The following CRTAC1 variants were observed in gnomAD, a reference collection of about 807,000 sequenced individuals.
CRTAC1 encodes the protein acidic secreted protein in cartilage.
Under a neutral mutation model 67.8 loss-of-function variants are expected in CRTAC1, and 37 were observed. The observed-to-expected ratio is 0.55, with a 90% CI of 0.42 to 0.72. CRTAC1 has a LOEUF of 0.72. Among genes scored for constraint, CRTAC1 ranks in the 30% least tolerant of loss-of-function variants. The pLI is 0.00. For missense variants in CRTAC1, 780 were observed against 931.6 expected (o/e 0.84, Z 2.12); for synonymous variants, 348 against 371.0 (o/e 0.94, Z 0.71).
rs2050988130 is a variant in CRTAC1 at position 97,930,519 on chromosome 10, G to A, written c.421+5651C>T. Among the ~76,000 whole-genome samples, 3 of 152,188 alleles carry A rather than the reference G, an allele frequency of 2.0e-5. No individual in the cohort carries two copies. The South Asian group carries it at 6.2e-4, about 32-fold the overall frequency. On this transcript the variant is annotated intron_variant, in intron 3 of 14. Coordinates refer to ENST00000370597, the MANE Select transcript of CRTAC1 (RefSeq NM_018058.7). ...TCCTGGAGATTAAATACAGATTCTGGTTTTGGAGGTCTGGTGTGGGGCCTA... is the reference window on the plus strand; with the variant it reads ...TCCTGGAGATTAAATACAGATTCTGATTTTGGAGGTCTGGTGTGGGGCCTA...
rs561739339 is a variant in CRTAC1, at chr10:97,978,690, G to T, written c.224+32448C>A. ...AGGGCTACCTCCTTTTGTCATTCAAGTCTCAGCTCTAATGTCCTCCCTTCA... is the reference window on the plus strand; with the variant it reads ...AGGGCTACCTCCTTTTGTCATTCAATTCTCAGCTCTAATGTCCTCCCTTCA... On this transcript the variant is annotated intron_variant, in intron 2 of 14. Coordinates refer to ENST00000370597, the MANE Select transcript of CRTAC1 (RefSeq NM_018058.7). Among the ~76,000 whole-genome samples, 3 of 152,258 alleles carry T rather than the reference G, an allele frequency of 2.0e-5. No homozygotes were observed. In the South Asian group the frequency reaches 6.2e-4, roughly 32 times the overall value.
At position 97,908,010 on chromosome 10, in the gene CRTAC1, C is replaced by T; in HGVS notation, c.850+3G>A. The T allele has an allele frequency of 1.2e-6, 2 of 1,613,900 alleles. No homozygotes were observed. The highest frequency in any genetic ancestry group is 2.2e-5 in the East Asian group (1 of 44,890). On this transcript the variant is annotated splice_donor_region_variant and intron_variant, in intron 6 of 14. Coordinates refer to ENST00000370597, the MANE Select transcript of CRTAC1 (RefSeq NM_018058.7). The stretch of plus-strand genomic sequence containing the variant: ...TGCACAGGGCATGGCTGCCTCCACT[C>T]ACCAGCACTGGCCGCAGCGTCCACA...
intron 2 of CRTAC1, among the ~76,000 whole-genome samples, chr10:97,995,537 C>A (rs1339158473): frequency 6.6e-6 from 1 of 152,122 alleles, no homozygotes; most frequent in East Asian, 1.9e-4. Flanking sequence ...GTATGCAGAC[C>A]TCTGAAGGAC....
At chr10:97,882,663 C>A in intron 13 of CRTAC1, 123 bp downstream of exon 13, 1 of 988,992 alleles carries the variant, frequency 1.0e-6, no homozygotes, top group Non-Finnish European at 1.6e-6. Flanking sequence ...GGACAAACAA[C>A]ACCCTCCCCT....
intron 14 of CRTAC1, among the ~76,000 whole-genome samples, chr10:97,877,779 A>G (rs1448825054): frequency 6.6e-6 from 1 of 152,218 alleles, no homozygotes; most frequent in Admixed American, 6.5e-5. Flanking sequence ...TGACACAGAT[A>G]TACCCTGTTA....
At chr10:97,938,905 A>G (rs377537334) in intron 2 of CRTAC1, among the ~76,000 whole-genome samples, 23 of 152,154 alleles carry the variant, frequency 1.5e-4, no homozygotes, top group African/African-American at 5.6e-4. Flanking sequence ...TTCAACTAGA[A>G]CATCTCTATG....
intron 4 of CRTAC1, among the ~76,000 whole-genome samples, chr10:97,918,191 C>T (rs886118412): frequency 5.9e-5 from 9 of 152,198 alleles, no homozygotes. Context: ...CACAGATTTG[C>T]AGGGGTCCTA....
intron 2 of CRTAC1, among the ~76,000 whole-genome samples, chr10:97,960,484 C>T (rs1325928630): frequency 2.0e-5 from 3 of 152,312 alleles, no homozygotes; most frequent in Middle Eastern, 3.4e-3. Context: ...TGTACACACA[C>T]GTGTGTATCT....
chr10:97,876,581 T>TCC (rs555272132), intron 14 of CRTAC1, among the ~76,000 whole-genome samples: 601 of 152,252 alleles, frequency 3.9e-3, no homozygotes, highest in Middle Eastern at 6.8e-3. Context: ...CACCAGCTCC[T>TCC]CCATTTGCAT....
intron 14 of CRTAC1, chr10:97,866,799 AGTGT>A (rs996745359): frequency 3.3e-5 from 5 of 151,842 alleles, no homozygotes; most frequent in African/African-American, 1.2e-4. Context: ...CATGTGTATG[AGTGT>A]GTGTGTATGC....
chr10:97,953,174 C>A (rs2051387611), intron 2 of CRTAC1, among the ~76,000 whole-genome samples: 1 of 152,152 alleles, frequency 6.6e-6, no homozygotes, highest in South Asian at 2.1e-4. Context: ...GCAGCTCTGC[C>A]CAAGTTCAGT....
At chr10:97,866,519 A>G (rs1156458962) in intron 14 of CRTAC1, 1 of 152,246 alleles carries the variant, frequency 6.6e-6, no homozygotes, top group African/African-American at 2.4e-5. Context: ...GTGTATGCAC[A>G]TGTGAATGTA....
Position 97,880,301 on chromosome 10 carries a change from G to C in CRTAC1, c.1767C>G (p.Asn589Lys). ...GCTCGTAGCCCCGACTGCACTTCTT[G>C]TTGGTCCGGCACCTGTAGCTTCCAT... ...NTYGSYRCRT[N>K]KKCSRGYEPN... The change falls in exon 14 of 15, where the codon AAC becomes AAG. Residue 589 changes from asparagine to lysine, a missense_variant. Physicochemically the swap from Asn to Lys is moderately conservative, Grantham distance 94. Coordinates refer to ENST00000370597, the MANE Select transcript of CRTAC1 (RefSeq NM_018058.7). The C allele has an allele frequency of 1.2e-6, 2 of 1,614,232 alleles. No individual in the cohort carries two copies. The highest frequency in any genetic ancestry group is 2.2e-5 in the South Asian group (2 of 91,082).
At chr10:97,913,183 T>G (rs1389303662) in intron 5 of CRTAC1, among the ~76,000 whole-genome samples, 1 of 152,044 alleles carries the variant, frequency 6.6e-6, no homozygotes, top group Non-Finnish European at 1.5e-5. Flanking sequence ...GAGGATCAAG[T>G]GCAGGATGGT....
intron 2 of CRTAC1, among the ~76,000 whole-genome samples, chr10:97,946,053 G>A (rs2051258723): frequency 6.6e-6 from 1 of 152,186 alleles, no homozygotes; most frequent in South Asian, 2.1e-4. Flanking sequence ...TGCCAGGAAA[G>A]ACCAAGTGCT....
chr10:98,017,151 C>T (rs937693838), intron 1 of CRTAC1, among the ~76,000 whole-genome samples: 3 of 152,162 alleles, frequency 2.0e-5, no homozygotes, highest in African/African-American at 7.2e-5. Context: ...TAGCACTCCC[C>T]GGCAGGAGTA....
chr10:97,932,726 C>T (rs781216321), intron 3 of CRTAC1, among the ~76,000 whole-genome samples: 13 of 152,056 alleles, frequency 8.5e-5, no homozygotes, highest in Non-Finnish European at 1.8e-4. Context: ...AAAGGCAACC[C>T]GGGTCACATA....
intron 11 of CRTAC1, among the ~76,000 whole-genome samples, chr10:97,886,928 A>T (rs113026850): frequency 1.7e-4 from 25 of 150,102 alleles, no homozygotes; most frequent in African/African-American, 6.1e-4. Flanking sequence ...TACAGACGTG[A>T]CCCACCACAC....
intron 2 of CRTAC1, among the ~76,000 whole-genome samples, chr10:97,947,986 A>T (rs1368777197): frequency 3.9e-5 from 6 of 152,116 alleles, no homozygotes; most frequent in Non-Finnish European, 8.8e-5. Flanking sequence ...GTATACTGTT[A>T]TGTCAAAACA....
Sources: allele counts gnomAD v4.1 joint callset (sites outside exome capture counted in the v4.1 genomes callset), GRCh38; gene constraint gnomAD v4.1.1; transcripts MANE v1.5; gene names NCBI Gene and HGNC (gene_info 2026-07-23, HGNC 2026-07-21).